The following ADGB variants were observed in gnomAD, a reference collection of about 807,000 sequenced individuals.
The protein encoded by ADGB is androglobin.
ADGB carries 172 observed loss-of-function variants against 210.5 expected under a neutral mutation model. The ratio of observed to expected loss-of-function variants is 0.82; its 90% confidence interval spans 0.72 to 0.93. ADGB has a LOEUF of 0.93. Ranked by LOEUF, ADGB falls within the 40% of genes least tolerant of loss-of-function variation. ADGB has a pLI of 0.00. For missense variants in ADGB, 2,025 were observed against 1,964.8 expected (o/e 1.03, Z -0.58); for synonymous variants, 658 against 662.7 (o/e 0.99, Z 0.11).
chr6:146,627,216 G>A (rs1463983628), intron 1 of ADGB, among the ~76,000 whole-genome samples: 2 of 152,116 alleles, frequency 1.3e-5, no homozygotes, highest in Middle Eastern at 3.4e-3. Flanking sequence ...TAGTATGATT[G>A]TTAGTTAATT....
intron 32 of ADGB, among the ~76,000 whole-genome samples, chr6:146,787,199 A>C (rs546518644): frequency 1.3e-5 from 2 of 152,268 alleles, no homozygotes; most frequent in African/African-American, 4.8e-5. Context: ...ATACAATAAA[A>C]GCCACAAATT....
chr6:146,756,322 G>A (rs1777405727), intron 27 of ADGB, among the ~76,000 whole-genome samples: 2 of 152,050 alleles, frequency 1.3e-5, no homozygotes, highest in Non-Finnish European at 2.9e-5. Context: ...ACCTTGCCAC[G>A]TGTGGCTCTA....
intron 35 of ADGB, among the ~76,000 whole-genome samples, chr6:146,806,179 G>A (rs1310050297): frequency 6.6e-6 from 1 of 152,226 alleles, no homozygotes; most frequent in Non-Finnish European, 1.5e-5. Context: ...AAATGCAGCA[G>A]ATAGGAAACG....
intron 1 of ADGB, among the ~76,000 whole-genome samples, chr6:146,614,812 C>T (rs1303410055): frequency 6.6e-6 from 1 of 152,134 alleles, no homozygotes; most frequent in Non-Finnish European, 1.5e-5. Flanking sequence ...TCTGATGGGG[C>T]CTTTGGGAAG....
At chr6:146,614,302 A>T (rs1343309655) in intron 1 of ADGB, among the ~76,000 whole-genome samples, 1 of 150,100 alleles carries the variant, frequency 6.7e-6, no homozygotes, top group Non-Finnish European at 1.5e-5. Context: ...TATTTAAAGG[A>T]TGCACTTTGA....
In ADGB at chr6:146,653,702, C is replaced by T. The variant is rs12661907; in HGVS notation, c.331-433C>T. 2.6e-5 allele frequency among the ~76,000 whole-genome samples: 4 copies of T among 151,720 alleles called. No individual in the cohort carries two copies. The East Asian group carries it at 5.8e-4, about 22-fold the overall frequency. On this transcript the variant is annotated intron_variant, in intron 3 of 35. Transcript: ENST00000397944. Reference sequence around the variant, plus strand: ...ACAAACCCCCATGACGTAAGTTTACCTATGTAACAAACCCACACATGTACC... The same window carrying T: ...ACAAACCCCCATGACGTAAGTTTACTTATGTAACAAACCCACACATGTACC...
chr6:146,760,513 G>A (rs1164565559), intron 27 of ADGB, among the ~76,000 whole-genome samples: 1 of 151,700 alleles, frequency 6.6e-6, no homozygotes, highest in East Asian at 1.9e-4. Context: ...TCTCCTATTG[G>A]ACATATGGGT....
In ADGB at chr6:146,724,283, T is replaced by A. The variant is rs1776863086; in HGVS notation, c.2193T>A (p.Ile731=). ...SLKPGSLVLK[I]HTYATKATVV... is the part of the protein sequence containing the mutation. ...AACCAGGCAGTCTTGTTCTGAAGAT[T>A]CACACATATGCTACCAAGGCTACAG... is the stretch of plus-strand genomic sequence containing the variant. Residue 731 remains isoleucine, a synonymous_variant, in exon 18 of 36, where the codon ATT becomes ATA. Coordinates refer to ENST00000397944, the MANE Select transcript of ADGB (RefSeq NM_024694.4). 1.3e-6 allele frequency: 2 copies of A among 1,550,582 alleles called. No homozygotes were observed. The highest frequency in any genetic ancestry group is 2.7e-5 in the African/African-American group (2 of 73,014).
At chr6:146,779,828 C>T (rs1466894199) in intron 29 of ADGB, among the ~76,000 whole-genome samples, 8 of 148,530 alleles carry the variant, frequency 5.4e-5, no homozygotes, top group African/African-American at 2.0e-4. Flanking sequence ...AACAAACTTG[C>T]CCTACAAAAG....
chr6:146,775,998 A>G (rs1043556554), intron 29 of ADGB, among the ~76,000 whole-genome samples: 1 of 152,112 alleles, frequency 6.6e-6, no homozygotes, highest in African/African-American at 2.4e-5. Context: ...CATAAAAACA[A>G]AACTGAATTT....
intron 16 of ADGB, among the ~76,000 whole-genome samples, chr6:146,717,807 A>G (rs934845022): frequency 6.6e-6 from 1 of 152,218 alleles, no homozygotes; most frequent in Non-Finnish European, 1.5e-5. Flanking sequence ...CCATCTGACT[A>G]TGTTGAATCC....
chr6:146,716,362 C>T (rs1054557020), intron 14 of ADGB, among the ~76,000 whole-genome samples: 2 of 128,280 alleles, frequency 1.6e-5, no homozygotes, highest in East Asian at 2.0e-4. Flanking sequence ...GAGGCCGAGG[C>T]GGGTGGATCA....
rs1281958000 is a variant in ADGB at position 146,644,825 on chromosome 6, T to C, written c.290T>C (p.Ile97Thr). 3 of 1,492,876 alleles carry C rather than the reference T, an allele frequency of 2.0e-6. No individual in the cohort carries two copies. Among genetic ancestry groups the C allele is most frequent in the East Asian group, 2.5e-5 (1 of 39,280 alleles). The allele number at this position is 1,492,876 out of a possible 1,614,324, so 92.5% of individuals were successfully genotyped here. A position where few individuals can be genotyped will look rare whatever the true frequency, so the allele number is the denominator to read the frequency against. The change falls in exon 3 of 36, where the codon ATT (isoleucine) becomes ACT (threonine). Residue 97 changes from isoleucine (I) to threonine (T), a missense_variant. Transcript: ENST00000397944. ...GKIELPPSLK[I>T]YSWKRPQDIL... Reference sequence around the variant, plus strand: ...ATTGAGTTACCACCATCCTTGAAAATTTATTCCTGGAAACGTCCACAAGAT... The same window carrying C: ...ATTGAGTTACCACCATCCTTGAAAACTTATTCCTGGAAACGTCCACAAGAT...
chr6:146,599,023 C>T lies in ADGB; in HGVS notation c.-18C>T. 1 of 1,550,014 alleles carries T rather than the reference C, an allele frequency of 6.5e-7. No homozygotes were observed. Among genetic ancestry groups the T allele is most frequent in the Non-Finnish European group, 8.7e-7 (1 of 1,145,454 alleles). ...GCTCTTTGCTCAGAGCTCAGCCCTA[C>T]ATAGATCGGCTTCTGCCATGGCCTC... On this transcript the variant is annotated 5_prime_UTR_variant, in exon 1 of 36. Transcript: ENST00000397944.
intron 9 of ADGB, among the ~76,000 whole-genome samples, chr6:146,679,706 T>A (rs75741106): frequency 6.6e-6 from 1 of 152,210 alleles, no homozygotes; most frequent in South Asian, 2.1e-4. Context: ...TCGATATCTA[T>A]GAATACTAAT....
chr6:146,620,201 T>TTCTTTG (rs1780868127), intron 1 of ADGB, among the ~76,000 whole-genome samples: 1 of 152,152 alleles, frequency 6.6e-6, no homozygotes, highest in African/African-American at 2.4e-5. Context: ...GCTTTGATGA[T>TTCTTTG]TCTTTGTCTT....
At position 146,745,925 on chromosome 6, in the gene ADGB, G is replaced by A; in HGVS notation, c.3181G>A (p.Gly1061Arg). 3.2e-6 allele frequency: 5 copies of A among 1,543,170 alleles called. No homozygotes were observed. The highest frequency in any genetic ancestry group is 3.5e-6 in the Non-Finnish European group (4 of 1,142,692). ...GTGTAATTTGTCTTTCTTATAGAAG[G>A]GATACACTTTTGTGGCGGAAGCATT... ...VPYLYTKNKK[G>R]YTFVAEAFTG... is the part of the protein sequence containing the mutation. Residue 1061 changes from glycine to arginine, a missense_variant, in exon 26 of 36, where the codon GGA becomes AGA. Coordinates refer to ENST00000397944, the MANE Select transcript of ADGB (RefSeq NM_024694.4).
chr6:146,676,481 G>T, intron 9 of ADGB, 40 bp downstream of exon 9: 14 of 1,280,546 alleles, frequency 1.1e-5, no homozygotes, highest in Non-Finnish European at 1.4e-5. Flanking sequence ...TATTTTAGTT[G>T]TTTCTTAAAA....
At chr6:146,621,774 T>C (rs1290438346) in intron 1 of ADGB, among the ~76,000 whole-genome samples, 1 of 152,164 alleles carries the variant, frequency 6.6e-6, no homozygotes, top group Non-Finnish European at 1.5e-5. Flanking sequence ...GTCCATTGAA[T>C]GGATATTCCA....
Sources: gnomAD v4.1 joint callset for allele counts (sites outside exome capture counted in the v4.1 genomes callset) on GRCh38, gnomAD v4.1.1 for gene constraint, MANE v1.5 for transcripts, NCBI Gene and HGNC (gene_info 2026-07-23, HGNC 2026-07-21) for gene names.